The following DNM3 variants were observed in gnomAD, a reference collection of about 807,000 sequenced individuals.
DNM3 encodes the protein dynamin 3.
DNM3 carries 47 observed loss-of-function variants against 101.6 expected under a neutral mutation model. The observed-to-expected ratio is 0.46, with a 90% CI of 0.37 to 0.59. The LOEUF (loss-of-function observed/expected upper bound fraction) is 0.59. Ranked by LOEUF, DNM3 falls within the 20% of genes least tolerant of loss-of-function variation. The pLI is 0.00. For synonymous variants in DNM3, 385 were observed against 387.9 expected, an observed-to-expected ratio of 0.99 and a Z score of 0.09; for missense variants, 849 against 1,085.7, an observed-to-expected ratio of 0.78 and a Z score of 3.06.
At chr1:172,269,323 C>T (rs143915858) in intron 15 of DNM3, among the ~76,000 whole-genome samples, 7 of 152,324 alleles carry the variant, frequency 4.6e-5, no homozygotes, top group African/African-American at 1.7e-4. Flanking sequence ...CAAGTATTTG[C>T]TTTCCCCACT....
At chr1:171,976,431 A>G (rs2044374792) in intron 2 of DNM3, among the ~76,000 whole-genome samples, 1 of 152,228 alleles carries the variant, frequency 6.6e-6, no homozygotes, top group African/African-American at 2.4e-5. Flanking sequence ...GCGGCAGGCA[A>G]GAGAACATGT....
chr1:172,177,593 G>A (rs974773537), intron 14 of DNM3, among the ~76,000 whole-genome samples: 8 of 151,846 alleles, frequency 5.3e-5, no homozygotes, highest in African/African-American at 1.7e-4. Context: ...CCTGCCTTGT[G>A]GGGGCTTAGA....
At chr1:171,932,805 C>T (rs975440563) in intron 2 of DNM3, among the ~76,000 whole-genome samples, 3 of 152,116 alleles carry the variant, frequency 2.0e-5, no homozygotes, top group African/African-American at 7.2e-5. Flanking sequence ...ACTCATCATG[C>T]AAATACTGGA....
chr1:172,008,378 C>T (rs1041632973), intron 4 of DNM3, among the ~76,000 whole-genome samples: 3 of 151,536 alleles, frequency 2.0e-5, no homozygotes, highest in Non-Finnish European at 2.9e-5. Context: ...TTGATTTTTG[C>T]ATATGGTGAG....
At chr1:171,967,097 A>G (rs530495174) in intron 2 of DNM3, among the ~76,000 whole-genome samples, 2 of 152,234 alleles carry the variant, frequency 1.3e-5, no homozygotes, top group East Asian at 3.9e-4. Flanking sequence ...CCTTAACCTT[A>G]GGGTTTGTCT....
chr1:172,004,785 A>G (rs1215744096), intron 4 of DNM3, among the ~76,000 whole-genome samples: 1 of 152,010 alleles, frequency 6.6e-6, no homozygotes, highest in African/African-American at 2.4e-5. Context: ...ACTCAGTTTA[A>G]ATAAAGGCAA....
chr1:172,321,865 C>A (rs894697653), intron 16 of DNM3, among the ~76,000 whole-genome samples: 1 of 152,094 alleles, frequency 6.6e-6, no homozygotes, highest in Non-Finnish European at 1.5e-5. Context: ...CTTTTATTCC[C>A]GGTAAAATTC....
chr1:171,901,502 C>G (rs2038354586), intron 1 of DNM3, among the ~76,000 whole-genome samples: 1 of 152,106 alleles, frequency 6.6e-6, no homozygotes, highest in African/African-American at 2.4e-5. Flanking sequence ...CAAGGAGGAG[C>G]CGCGTGGGTG....
chr1:172,354,276 G>A (rs536588981), intron 17 of DNM3, among the ~76,000 whole-genome samples: 1 of 152,292 alleles, frequency 6.6e-6, no homozygotes, highest in South Asian at 2.1e-4. Flanking sequence ...TGAAGGATGA[G>A]AGAGAACAGA....
intron 1 of DNM3, among the ~76,000 whole-genome samples, chr1:171,911,273 C>CTTTTTTTTTTT (rs151321245): frequency 1.1e-5 from 1 of 90,762 alleles, no homozygotes; most frequent in Non-Finnish European, 2.0e-5. Context: ...ACCCCAACAT[C>CTTTTTTTTTTT]TTTTTTTTTT....
chr1:172,321,772 A>T (rs1293040525), intron 16 of DNM3, among the ~76,000 whole-genome samples: 1 of 152,178 alleles, frequency 6.6e-6, no homozygotes, highest in Non-Finnish European at 1.5e-5. Flanking sequence ...TGTGGAATGC[A>T]ATAAACTCCA....
Position 172,369,623 on chromosome 1 carries a change from A to G in DNM3, c.1894-9395A>G, listed in dbSNP as rs2068215822. 2.0e-5 allele frequency among the ~76,000 whole-genome samples: 3 copies of G among 152,064 alleles called. 1 individual carries two copies. Among genetic ancestry groups the G allele is most frequent in the Admixed American group, 2.0e-4 (3 of 15,238 alleles). ...AGTACTGGAAGTTCTAGCCAGTACT[A>G]TTTGGCAAGAGAAAGAAATGTGGCT... On this transcript the variant is annotated intron_variant, in intron 17 of 20. Coordinates refer to ENST00000627582, the MANE Select transcript of DNM3 (RefSeq NM_015569.5).
chr1:172,244,097 T>C (rs2061852240), intron 14 of DNM3, among the ~76,000 whole-genome samples: 1 of 152,014 alleles, frequency 6.6e-6, no homozygotes, highest in African/African-American at 2.4e-5. Flanking sequence ...TTCCCACCTA[T>C]GAGTGAGAAT....
chr1:171,973,064 A>G (rs760819024), intron 2 of DNM3, among the ~76,000 whole-genome samples: 1 of 152,216 alleles, frequency 6.6e-6, no homozygotes, highest in Non-Finnish European at 1.5e-5. Flanking sequence ...GAACCGCAGT[A>G]TAAAGAGTAG....
At chr1:172,019,766 CA>C (rs1372374405) in intron 4 of DNM3, among the ~76,000 whole-genome samples, 1 of 151,954 alleles carries the variant, frequency 6.6e-6, no homozygotes. Context: ...TGAACCCAAT[CA>C]AAGGCATTCT....
intron 13 of DNM3, among the ~76,000 whole-genome samples, chr1:172,105,678 A>G (rs2054960881): frequency 6.6e-6 from 1 of 152,174 alleles, no homozygotes; most frequent in African/African-American, 2.4e-5. Context: ...AAAGCTTACA[A>G]ATTAATATGA....
intron 13 of DNM3, among the ~76,000 whole-genome samples, chr1:172,095,101 G>A (rs2054157808): frequency 6.6e-6 from 1 of 152,142 alleles, no homozygotes; most frequent in Admixed American, 6.5e-5. Flanking sequence ...TAATAGAATT[G>A]GGTGAGTGTT....
intron 16 of DNM3, among the ~76,000 whole-genome samples, chr1:172,314,406 G>C (rs963927157): frequency 1.3e-5 from 2 of 152,176 alleles, no homozygotes; most frequent in Non-Finnish European, 2.9e-5. Context: ...GGTGCAGCAC[G>C]CGGTGCACGA....
chr1:171,907,787 G>T (rs554354053), intron 1 of DNM3, among the ~76,000 whole-genome samples: 13 of 152,104 alleles, frequency 8.5e-5, no homozygotes, highest in African/African-American at 2.9e-4. Flanking sequence ...AACTCCAGTG[G>T]GACTTAAGAT....
Sources: allele counts gnomAD v4.1 joint callset (sites outside exome capture counted in the v4.1 genomes callset), GRCh38; gene constraint gnomAD v4.1.1; transcripts MANE v1.5; gene names NCBI Gene and HGNC (gene_info 2026-07-23, HGNC 2026-07-21).